Variants in EDEM3 observed in about 807,000 individuals in gnomAD.
EDEM3 encodes the protein ER degradation-enhancing alpha-mannosidase-like protein 3.
In EDEM3, 60 loss-of-function variants were observed where a neutral mutation model predicts 110.2. The observed-to-expected ratio is 0.54, with a 90% CI of 0.44 to 0.67. The LOEUF (loss-of-function observed/expected upper bound fraction) is 0.67, where lower values mean the gene tolerates loss of function less well. EDEM3 is among the 30% of genes least tolerant of loss of function. The pLI is 0.00. For missense variants in EDEM3, 996 were observed against 1,121.0 expected (o/e 0.89, Z 1.59); for synonymous variants, 352 against 382.9 (o/e 0.92, Z 0.94).
intron 18 of EDEM3, among the ~76,000 whole-genome samples, chr1:184,703,556 A>C (rs974889607): frequency 5.9e-5 from 9 of 152,230 alleles, no homozygotes; most frequent in African/African-American, 2.2e-4. Flanking sequence ...TAAACTAAAC[A>C]GTATTGCTAT....
chr1:184,721,598 G>C (rs950879137), intron 8 of EDEM3, among the ~76,000 whole-genome samples: 1 of 151,904 alleles, frequency 6.6e-6, no homozygotes. Flanking sequence ...TTCACTAGGT[G>C]GAAAATAAGC....
Position 184,708,255 on chromosome 1 carries a change from C to T in EDEM3, c.1935G>A (p.Leu645=). The T allele has an allele frequency of 1.2e-6, 2 of 1,613,456 alleles. No homozygotes were observed. Among genetic ancestry groups the T allele is most frequent in the East Asian group, 4.5e-5 (2 of 44,846 alleles). ...LSSQQQKEQQ[L]PPRAVQIVSH... ...AAACAATTTGTACAGCTCGTGGAGG[C>T]AGCTGCTGTTCTTTTTGTTGCTGAC... is the stretch of plus-strand genomic sequence containing the variant. The change falls in exon 17 of 20, where the codon CTG becomes CTA. Residue 645 remains leucine, a synonymous_variant. Transcript: ENST00000318130.
chr1:184,751,719 A>C (rs972185264), intron 1 of EDEM3, among the ~76,000 whole-genome samples: 1 of 152,216 alleles, frequency 6.6e-6, no homozygotes, highest in Non-Finnish European at 1.5e-5. Context: ...CCCAGTTCAA[A>C]AATTACACCA....
At chr1:184,731,851 T>C (rs528222363) in intron 6 of EDEM3, among the ~76,000 whole-genome samples, 2 of 152,150 alleles carry the variant, frequency 1.3e-5, no homozygotes, top group Non-Finnish European at 2.9e-5. Context: ...TACAACAACA[T>C]GGATGGAAGT....
At chr1:184,726,165 C>T in intron 7 of EDEM3, 90 bp downstream of exon 7, 3 of 1,453,614 alleles carry the variant, frequency 2.1e-6, no homozygotes, top group Non-Finnish European at 2.8e-6. Context: ...AGTAATTCTC[C>T]AACTAATAAT....
intron 7 of EDEM3, 118 bp from the exon 8 acceptor site, chr1:184,723,974 G>A: frequency 2.8e-6 from 2 of 707,508 alleles, no homozygotes; most frequent in Non-Finnish European, 4.4e-6. Flanking sequence ...TTAAGAATTA[G>A]GTTAAATTTC....
At chr1:184,701,961 G>C (rs963472045) in intron 19 of EDEM3, among the ~76,000 whole-genome samples, 1 of 151,898 alleles carries the variant, frequency 6.6e-6, no homozygotes, top group Non-Finnish European at 1.5e-5. Flanking sequence ...CTACATATCT[G>C]TCAAACACCC....
intron 2 of EDEM3, 123 bp from the exon 3 acceptor site, chr1:184,737,834 C>A: frequency 1.3e-6 from 1 of 784,194 alleles, no homozygotes; most frequent in Admixed American, 3.1e-5. Context: ...AAATTTACAC[C>A]CTGTGGAATC....
At chr1:184,737,446 T>C (rs982607712) in intron 3 of EDEM3, among the ~76,000 whole-genome samples, 165 bp downstream of exon 3, 2 of 152,218 alleles carry the variant, frequency 1.3e-5, no homozygotes, top group African/African-American at 4.8e-5. Context: ...CTGATTAATC[T>C]TTTATAAATG....
intron 4 of EDEM3, among the ~76,000 whole-genome samples, chr1:184,735,789 A>C (rs1282936137): frequency 6.6e-6 from 1 of 152,288 alleles, no homozygotes; most frequent in African/African-American, 2.4e-5. Flanking sequence ...TCACTTTTGG[A>C]ATGAGACATA....
At chr1:184,744,587 C>G (rs1306901886) in intron 2 of EDEM3, among the ~76,000 whole-genome samples, 1 of 151,518 alleles carries the variant, frequency 6.6e-6, no homozygotes, top group Non-Finnish European at 1.5e-5. Flanking sequence ...AAATGTATGC[C>G]CAAATAAAAA....
chr1:184,736,838 CTGTTA>C (rs1250490396), intron 4 of EDEM3, among the ~76,000 whole-genome samples, 182 bp downstream of exon 4: 11 of 152,254 alleles, frequency 7.2e-5, no homozygotes, highest in African/African-American at 2.6e-4. Flanking sequence ...TTGGGTATCT[CTGTTA>C]TATTACATAA....
chr1:184,728,658 G>A (rs1471202557), intron 6 of EDEM3, among the ~76,000 whole-genome samples: 1 of 150,850 alleles, frequency 6.6e-6, no homozygotes, highest in Non-Finnish European at 1.5e-5. Context: ...TCACTAGGCT[G>A]GAGTGCAGTG....
At chr1:184,734,697 C>T (rs1052142147) in intron 4 of EDEM3, 54 bp from the exon 5 acceptor site, 4 of 622,728 alleles carry the variant, frequency 6.4e-6, no homozygotes, top group Admixed American at 3.4e-5. Flanking sequence ...CAAGGAGAAA[C>T]GTTCCTAGAA....
At chr1:184,694,666 C>T (rs1440650500) in intron 19 of EDEM3, among the ~76,000 whole-genome samples, 194 bp from the exon 20 acceptor site, 1 of 151,952 alleles carries the variant, frequency 6.6e-6, no homozygotes, top group Admixed American at 6.6e-5. Context: ...ATTCACTGTG[C>T]AAAATGTGTC....
intron 7 of EDEM3, among the ~76,000 whole-genome samples, chr1:184,725,864 G>A (rs1232332170): frequency 6.6e-6 from 1 of 152,024 alleles, no homozygotes; most frequent in Non-Finnish European, 1.5e-5. Flanking sequence ...ATTTCACTGT[G>A]TTTTAGAAGA....
At chr1:184,720,252 CTTA>C (rs1264109675) in intron 9 of EDEM3, among the ~76,000 whole-genome samples, 2 of 151,052 alleles carry the variant, frequency 1.3e-5, no homozygotes, top group Non-Finnish European at 2.9e-5. Context: ...CAATTAATGA[CTTA>C]TTAACTTTTA....
At position 184,690,268 on chromosome 1, in the gene EDEM3, A is replaced by G. The variant is rs1353497978; in HGVS notation, c.*3795T>C. 6.6e-6 allele frequency: 1 copy of G among 152,278 alleles called. No homozygotes were observed. Among genetic ancestry groups the G allele is most frequent in the Non-Finnish European group, 1.5e-5 (1 of 68,032 alleles). 9.4% of individuals were successfully genotyped at this position (152,278 alleles called of 1,614,324 possible). A position where few individuals can be genotyped will look rare whatever the true frequency, so the allele number is the denominator to read the frequency against. On this transcript the variant is annotated 3_prime_UTR_variant, in exon 20 of 20. Coordinates refer to ENST00000318130, the MANE Select transcript of EDEM3 (RefSeq NM_025191.4). The stretch of plus-strand genomic sequence containing the variant: ...CACAATTCTAGAGTTTTATTCACTT[A>G]GCATTACCTTTGTGCATGCTACTGA...
intron 6 of EDEM3, among the ~76,000 whole-genome samples, chr1:184,732,221 T>G (rs1651568494): frequency 6.6e-6 from 1 of 151,964 alleles, no homozygotes. Flanking sequence ...AAGACAAATT[T>G]TGAATGTTCT....
Sources: allele counts gnomAD v4.1 joint callset (sites outside exome capture counted in the v4.1 genomes callset), GRCh38; gene constraint gnomAD v4.1.1; transcripts MANE v1.5; gene names NCBI Gene and HGNC (gene_info 2026-07-23, HGNC 2026-07-21).